MYH6: variants seen among roughly 807,000 people sequenced by gnomAD.
The protein encoded by MYH6 is myosin-6.
A neutral mutation model predicts 223.2 loss-of-function variants in MYH6; 126 were observed. That is an observed-to-expected ratio of 0.56 (90% CI 0.49 to 0.65). The LOEUF (loss-of-function observed/expected upper bound fraction) is 0.65. MYH6 is among the 30% of genes least tolerant of loss of function. MYH6 has a pLI of 0.00. For synonymous variants in MYH6, 978 were observed against 1,010.2 expected (o/e 0.97, Z 0.61); for missense variants, 2,040 against 2,536.4 (o/e 0.80, Z 4.20).
rs1477906626 is a variant in MYH6, at chr14:23,401,102, G to A, written c.1142-125C>T. ...GCTCACTACAGCCTCCACCTCCTGGGTTCAAGTGATTTTCCTGCCTCAGCC... is the reference window on the plus strand; with the variant it reads ...GCTCACTACAGCCTCCACCTCCTGGATTCAAGTGATTTTCCTGCCTCAGCC... On this transcript the variant is annotated intron_variant, in intron 12 of 38. Transcript: ENST00000405093. 4 of 1,466,842 alleles carry A rather than the reference G, an allele frequency of 2.7e-6. No individual in the cohort carries two copies. In the East Asian group the frequency reaches 9.9e-5, roughly 36 times the overall value. The allele number at this position is 1,466,842 out of a possible 1,614,324, so 90.9% of individuals were successfully genotyped here. A position where few individuals can be genotyped will look rare whatever the true frequency, so the allele number is the denominator to read the frequency against.
rs746798583 is a variant in MYH6 at position 23,402,691 on chromosome 14, A to G, written c.1002+6T>C. On this transcript the variant is annotated splice_donor_region_variant and intron_variant, in intron 11 of 38. Transcript: ENST00000405093. ...CTCGAACGGCCGCAGCAGCCCCCTCACTCACATCGGTGGCCATGAGCTCCT... is the reference window on the plus strand; with the variant it reads ...CTCGAACGGCCGCAGCAGCCCCCTCGCTCACATCGGTGGCCATGAGCTCCT... The G allele has an allele frequency of 1.9e-6, 3 of 1,613,256 alleles. No homozygotes were observed. Among genetic ancestry groups the G allele is most frequent in the East Asian group, 4.5e-5 (2 of 44,704 alleles).
chr14:23,398,765 C>T lies in MYH6; in HGVS notation c.1854G>A (p.Met618Ile), dbSNP rs751266021. The change falls in exon 15 of 39, where the codon ATG becomes ATA. Residue 618 changes from methionine (M) to isoleucine (I), a missense_variant. Physicochemically the swap from Met to Ile is conservative, Grantham distance 10. This residue lies in a region of MYH6 where 649 missense variants were observed against 877.3 expected (regional missense o/e 0.74). Coordinates refer to ENST00000405093, the MANE Select transcript of MYH6 (RefSeq NM_002471.4). ...ALYQKSSLKL[M>I]ATLFSSYATA... ...TTGCGTAGGAGGAGAAGAGAGTGGCCATGAGCTTGAGGGAGGACTTCTGGT... is the reference window on the plus strand; with the variant it reads ...TTGCGTAGGAGGAGAAGAGAGTGGCTATGAGCTTGAGGGAGGACTTCTGGT... 9.9e-6 allele frequency: 16 copies of T among 1,614,078 alleles called. No homozygotes were observed. The highest frequency in any genetic ancestry group is 2.7e-5 in the African/African-American group (2 of 74,928).
Position 23,405,550 on chromosome 14 carries a change from T to C in MYH6, c.345+77A>G. ...GTCCCTTGGGAGTCTCTCCCCCTCT[T>C]CTTGGGAGAGCCCCCCTGGCTTATT... On this transcript the variant is annotated intron_variant, in intron 4 of 38. Transcript: ENST00000405093. The surrounding 1 kb of genome is among the most constrained non-coding windows in gnomAD (Gnocchi z 4.7). 2.5e-6 allele frequency: 4 copies of C among 1,607,026 alleles called. No individual in the cohort carries two copies. The highest frequency in any genetic ancestry group is 2.6e-6 in the Non-Finnish European group (3 of 1,175,644).
chr14:23,400,494 T>C, intron 13 of MYH6, 68 bp from the exon 14 acceptor site: 1 of 1,612,354 alleles, frequency 6.2e-7, no homozygotes, highest in Non-Finnish European at 8.5e-7. Context: ...GCTGTGCCCG[T>C]GCACTGTGCC....
chr14:23,406,235 AT>A (rs1891783352), intron 3 of MYH6, among the ~76,000 whole-genome samples: 1 of 152,114 alleles, frequency 6.6e-6, no homozygotes, highest in Non-Finnish European at 1.5e-5. Context: ...CTCCCCATCC[AT>A]CACTGTTGGT....
In MYH6 at chr14:23,407,250, A is replaced by G. The variant is rs1891819885; in HGVS notation, c.-13-14T>C. ...TTGGTGCTTCCCCTGGGTCAGAGAC[A>G]GGAGGGCTATGTTACTCCTGAGGGA... On this transcript the variant is annotated splice_polypyrimidine_tract_variant and intron_variant, in intron 2 of 38. Transcript: ENST00000405093. The surrounding 1 kb of genome is among the most constrained non-coding windows in gnomAD (Gnocchi z 5.6). 3 of 1,613,966 alleles carry G rather than the reference A, an allele frequency of 1.9e-6. No homozygotes were observed. The highest frequency in any genetic ancestry group is 2.5e-6 in the Non-Finnish European group (3 of 1,179,966).
intron 20 of MYH6, 63 bp from the exon 21 acceptor site, chr14:23,394,386 C>T (rs1036329228): frequency 6.2e-7 from 1 of 1,604,386 alleles, no homozygotes; most frequent in Non-Finnish European, 8.5e-7. Flanking sequence ...ATCATGGGCC[C>T]TACTAAGCAA....
Position 23,400,862 on chromosome 14 carries a change from C to T in MYH6, c.1257G>A (p.Gln419=). The T allele has an allele frequency of 6.2e-7, 1 of 1,614,252 alleles. No homozygotes were observed. Among genetic ancestry groups the T allele is most frequent in the Admixed American group, 1.7e-5 (1 of 60,026 alleles). The change falls in exon 13 of 39, where the codon CAG becomes CAA. Residue 419 remains glutamine (Q), a synonymous_variant. Transcript: ENST00000405093. ...NEYVTKGQSV[Q]QVYYSIGALA... Reference sequence around the variant, plus strand: ...GAGCCCCGATGGAGTAGTACACCTGCTGCACGCTCTGCCCCTTGGTGACAT... The same window carrying T: ...GAGCCCCGATGGAGTAGTACACCTGTTGCACGCTCTGCCCCTTGGTGACAT...
rs967795809 is a variant in MYH6 at position 23,396,986 on chromosome 14, G to T, written c.2145C>A (p.Ile715=). The change falls in exon 18 of 39, where the codon ATC becomes ATA. Residue 715 remains isoleucine (I), a synonymous_variant. Transcript: ENST00000405093. ...ACCTCTGCCGGAAGTCCCCGTAGAG[G>T]ATGCGGTTGGGGAAGCCCTTCCTGC... ...RICRKGFPNR[I]LYGDFRQRYR... The T allele has an allele frequency of 1.2e-6, 2 of 1,613,352 alleles. No homozygotes were observed. Among genetic ancestry groups the T allele is most frequent in the Middle Eastern group, 1.9e-4 (1 of 5,332 alleles).
In MYH6 at chr14:23,405,796, A is replaced by C; in HGVS notation, c.202-26T>G. The C allele has an allele frequency of 6.2e-7, 1 of 1,613,956 alleles. No individual in the cohort carries two copies. The highest frequency in any genetic ancestry group is 8.5e-7 in the Non-Finnish European group (1 of 1,179,958). On this transcript the variant is annotated intron_variant, in intron 3 of 38. Transcript: ENST00000405093. This position sits in a 1 kb window ranked among gnomAD's most constrained non-coding sequence, Gnocchi z 4.7. ...CTGGAGGGGGCGCATAAGCAGGAGG[A>C]TGAGTGACCACAATCCCTCCGGGAC... is the stretch of plus-strand genomic sequence containing the variant.
At chr14:23,401,098 C>T in intron 12 of MYH6, 121 bp from the exon 13 acceptor site, 1 of 1,485,224 alleles carries the variant, frequency 6.7e-7, no homozygotes. Context: ...CCTCCACCTC[C>T]TGGGTTCAAG....
At chr14:23,396,887 C>T in intron 18 of MYH6, 70 bp from the exon 19 acceptor site, 1 of 1,612,714 alleles carries the variant, frequency 6.2e-7, no homozygotes, top group South Asian at 1.1e-5. Context: ...ATTCCAGGGT[C>T]ACCTGCAGAT....
rs747237464 is a variant in MYH6, at chr14:23,394,132, T to A, written c.2621A>T (p.Glu874Val). 7 of 1,614,078 alleles carry A rather than the reference T, an allele frequency of 4.3e-6. No individual in the cohort carries two copies. In the East Asian group the frequency reaches 1.6e-4, roughly 36 times the overall value. The part of the protein sequence containing the change: ...TLEKSEARRK[E>V]LEEKMVSLLQ... ...CAGGGACACCATCTTCTCCTCCAGC[T>A]CCTTGCGGCGAGCCTCGGACTTCTC... Residue 874 changes from glutamate to valine, a missense_variant, in exon 21 of 39, where the codon GAG becomes GTG. Glu to Val is a moderately radical substitution (Grantham distance 121). Coordinates refer to ENST00000405093, the MANE Select transcript of MYH6 (RefSeq NM_002471.4).
In MYH6 at chr14:23,400,895, G is replaced by A. The variant is rs1555334635; in HGVS notation, c.1224C>T (p.Gly408=). The A allele has an allele frequency of 6.2e-7, 1 of 1,614,198 alleles. No individual in the cohort carries two copies. The highest frequency in any genetic ancestry group is 8.5e-7 in the Non-Finnish European group (1 of 1,180,040). Reference sequence around the variant, plus strand: ...TCTGCCCCTTGGTGACATACTCGTTGCCCACTTTCACCCGAGGGTGGCACA... The same window carrying A: ...TCTGCCCCTTGGTGACATACTCGTTACCCACTTTCACCCGAGGGTGGCACA... ...KGLCHPRVKV[G]NEYVTKGQSV... Residue 408 remains glycine, a synonymous_variant, in exon 13 of 39, where the codon GGC becomes GGT. Coordinates refer to ENST00000405093, the MANE Select transcript of MYH6 (RefSeq NM_002471.4).
At position 23,383,339 on chromosome 14, in the gene MYH6, G is replaced by GGGGGGGGCCCCCCCCCCCCCCC; in HGVS notation, c.5566-20_5566-19insGGGGGGGGGGGGGGGCCCCCCC. On this transcript the variant is annotated intron_variant, in intron 36 of 38. Coordinates refer to ENST00000405093, the MANE Select transcript of MYH6 (RefSeq NM_002471.4). ...CCTCTGTCTGGGGGTGGGAGGGTGGGAGAAGCTGGTTTGGAGGGGGAGCAA... is the reference window on the plus strand; with the variant it reads ...CCTCTGTCTGGGGGTGGGAGGGTGGGGGGGGGGCCCCCCCCCCCCCCCAGAAGCTGGTTTGGAGGGGGAGCAA... 9.2e-6 allele frequency: 1 copy of GGGGGGGGCCCCCCCCCCCCCCC among 108,192 alleles called. No individual in the cohort carries two copies. The allele number at this position is 108,192 out of a possible 1,614,324, so 6.7% of individuals were successfully genotyped here.
At chr14:23,404,987 G>A (rs186953553) in intron 6 of MYH6, 113 bp downstream of exon 6, 6 of 1,548,720 alleles carry the variant, frequency 3.9e-6, no homozygotes, top group Admixed American at 3.5e-5. Flanking sequence ...AGAGCTCAGT[G>A]CCCCATGCTC....
chr14:23,398,758 G>C lies in MYH6; in HGVS notation c.1861C>G (p.Leu621Val). The C allele has an allele frequency of 1.9e-6, 3 of 1,614,218 alleles. No homozygotes were observed. The highest frequency in any genetic ancestry group is 1.3e-5 in the African/African-American group (1 of 75,050). Residue 621 changes from leucine (L) to valine (V), a missense_variant, in exon 15 of 39, where the codon CTC becomes GTC. Leu to Val is a conservative substitution (Grantham distance 32). Transcript: ENST00000405093. ...QKSSLKLMATLFSSYATADTG... is the reference protein window; with the variant it reads ...QKSSLKLMATVFSSYATADTG... ...TCGGCAGTTGCGTAGGAGGAGAAGA[G>C]AGTGGCCATGAGCTTGAGGGAGGAC...
rs1251679236 is a variant in MYH6 at position 23,402,840 on chromosome 14, G to GCGGAGGGCAGGGGCAAGGGGGCAGT, written c.899-41_899-40insACTGCCCCCTTGCCCCTGCCCTCCG. The GCGGAGGGCAGGGGCAAGGGGGCAGT allele has an allele frequency of 6.5e-6, 10 of 1,532,962 alleles. No individual in the cohort carries two copies. In the South Asian group the frequency reaches 6.7e-5, roughly 10 times the overall value. 95.0% of individuals were successfully genotyped at this position (1,532,962 alleles called of 1,614,324 possible). On this transcript the variant is annotated intron_variant, in intron 10 of 38. Transcript: ENST00000405093. ...GGGTGAGGCAGGGGCAAGGGGGCAG[G>GCGGAGGGCAGGGGCAAGGGGGCAGT]CGGAGGGCAGGGAAGGGGCAGGTAG...
rs1005231787 is a variant in MYH6, at chr14:23,404,158, A to G, written c.735+138T>C. 8 of 1,102,150 alleles carry G rather than the reference A, an allele frequency of 7.3e-6. No homozygotes were observed. In the African/African-American group the frequency reaches 9.2e-5, roughly 13 times the overall value. The allele number at this position is 1,102,150 out of a possible 1,614,324, so 68.3% of individuals were successfully genotyped here. A position where few individuals can be genotyped will look rare whatever the true frequency, so the allele number is the denominator to read the frequency against. ...AGTCAGACCTTTGGCTCCAAAGCCT[A>G]TGCTCTCTTCCCACCAACGTGTGCA... is the stretch of plus-strand genomic sequence containing the variant. On this transcript the variant is annotated intron_variant, in intron 8 of 38. Coordinates refer to ENST00000405093, the MANE Select transcript of MYH6 (RefSeq NM_002471.4).
Sources: gnomAD v4.1 joint callset for allele counts (sites outside exome capture counted in the v4.1 genomes callset) on GRCh38, gnomAD v4.1.1 for gene constraint, gnomAD v4.1.1 regional missense constraint, Gnocchi (gnomAD v3.1) non-coding constraint, MANE v1.5 for transcripts, NCBI Gene and HGNC (gene_info 2026-07-23, HGNC 2026-07-21) for gene names.